The following RIMKLB variants were observed in gnomAD, a reference collection of about 807,000 sequenced individuals.
RIMKLB encodes the protein ribosomal modification protein rimK like family member B.
A neutral mutation model predicts 32.0 loss-of-function variants in RIMKLB; 7 were observed. The ratio of observed to expected loss-of-function variants is 0.22; its 90% CI spans 0.12 to 0.41. The LOEUF is 0.41. Ranked by LOEUF, RIMKLB falls within the 10% of genes least tolerant of loss-of-function variation. The pLI is 1.00. For missense variants in RIMKLB, 289 were observed against 498.7 expected, an observed-to-expected ratio of 0.58 and a Z score of 4.00; for synonymous variants, 172 against 185.1, an observed-to-expected ratio of 0.93 and a Z score of 0.57.
chr12:8,782,020 T>C (rs1278276391), downstream of RIMKLB, among the ~76,000 whole-genome samples: 8 of 150,674 alleles, frequency 5.3e-5, no homozygotes, highest in South Asian at 2.1e-4. Flanking sequence ...TTTTTTTTTT[T>C]CCTTTTTTCC....
chr12:8,692,650 C>T (rs1007373256), upstream of RIMKLB, among the ~76,000 whole-genome samples: 32 of 152,184 alleles, frequency 2.1e-4, no homozygotes, highest in Non-Finnish European at 8.8e-5. Context: ...ATGGTCTTTC[C>T]TCCCTTTGTG....
intron 2 of RIMKLB, among the ~76,000 whole-genome samples, chr12:8,724,903 T>G (rs1199011055): frequency 2.0e-5 from 3 of 152,214 alleles, no homozygotes; most frequent in Non-Finnish European, 4.4e-5. Flanking sequence ...ATTCTCCTGC[T>G]TAGGGTTAGT....
At chr12:8,766,537 T>G (rs1949982130) in intron 5 of RIMKLB, among the ~76,000 whole-genome samples, 1 of 152,232 alleles carries the variant, frequency 6.6e-6, no homozygotes, top group African/African-American at 2.4e-5. Context: ...TTTTTGATTC[T>G]GTAAGTACTT....
At chr12:8,713,435 T>C (rs1257890626) in intron 1 of RIMKLB, among the ~76,000 whole-genome samples, 2 of 152,194 alleles carry the variant, frequency 1.3e-5, no homozygotes, top group Non-Finnish European at 2.9e-5. Flanking sequence ...TGGCATTTCA[T>C]TTCATATCAA....
chr12:8,744,949 A>T (rs1947937357), intron 2 of RIMKLB, among the ~76,000 whole-genome samples: 1 of 151,890 alleles, frequency 6.6e-6, no homozygotes, highest in South Asian at 2.1e-4. Flanking sequence ...GCACCCATCA[A>T]CTGGTCATTT....
chr12:8,777,776 T>G, downstream of RIMKLB: 2 of 984,336 alleles, frequency 2.0e-6, no homozygotes, highest in Non-Finnish European at 2.6e-6. Flanking sequence ...CGGTTTGGAT[T>G]CAGGCACAGC....
At chr12:8,744,359 T>C (rs920552185) in intron 2 of RIMKLB, among the ~76,000 whole-genome samples, 3 of 152,038 alleles carry the variant, frequency 2.0e-5, no homozygotes, top group African/African-American at 7.3e-5. Flanking sequence ...GGTAGAGCAC[T>C]CCCATTTTCC....
downstream of RIMKLB, chr12:8,777,245 T>TGTTA: frequency 1.1e-6 from 1 of 931,256 alleles, no homozygotes; most frequent in Non-Finnish European, 1.3e-6. Context: ...TTTTTTCTTC[T>TGTTA]TAAAAAAACA....
In RIMKLB at chr12:8,775,166, C is replaced by T. The variant is rs767251859; in HGVS notation, c.*1382C>T. The T allele has an allele frequency of 2.2e-4, 212 of 985,484 alleles. No individual in the cohort carries two copies. The highest frequency in any genetic ancestry group is 2.4e-4 in the Non-Finnish European group (198 of 829,840). 61.0% of individuals were successfully genotyped at this position (985,484 alleles called of 1,614,324 possible). A position where few individuals can be genotyped will look rare whatever the true frequency, so the allele number is the denominator to read the frequency against. On this transcript the variant is annotated 3_prime_UTR_variant, in exon 6 of 6. Coordinates refer to ENST00000535829, the MANE Select transcript of RIMKLB (RefSeq NM_001297776.2). ...AGTTTATTCAAGGCTACATGCTTTT[C>T]TTTAATGCTTCTGGCTATGCATTTT...
chr12:8,710,527 C>G (rs1944289267), intron 1 of RIMKLB, among the ~76,000 whole-genome samples: 2 of 151,954 alleles, frequency 1.3e-5, no homozygotes, highest in Non-Finnish European at 2.9e-5. Flanking sequence ...AGGCTGGTCT[C>G]AAACTCCTGA....
intron 2 of RIMKLB, among the ~76,000 whole-genome samples, chr12:8,729,959 C>T (rs1351460833): frequency 6.6e-6 from 1 of 152,086 alleles, no homozygotes; most frequent in Non-Finnish European, 1.5e-5. Context: ...TTTCATGGAC[C>T]TATTGGCTAT....
rs115980349 is a variant in RIMKLB, at chr12:8,738,368, C to G, written c.176-11494C>G. ...AATTAATGGTTTTTGAATATACATC[C>G]TAAGTGTTTCTGCTGGAGAACGCAA... On this transcript the variant is annotated intron_variant, in intron 2 of 5. Coordinates refer to ENST00000535829, the MANE Select transcript of RIMKLB (RefSeq NM_001297776.2). 9.0e-3 allele frequency among the ~76,000 whole-genome samples: 1,375 copies of G among 152,232 alleles called. 19 individuals are homozygous for G. Among genetic ancestry groups the G allele is most frequent in the African/African-American group, 0.03 (1,244 of 41,548 alleles).
chr12:8,709,849 T>TA (rs536937369), intron 1 of RIMKLB, among the ~76,000 whole-genome samples: 1 of 152,234 alleles, frequency 6.6e-6, no homozygotes, highest in Non-Finnish European at 1.5e-5. Context: ...TTATCATAGA[T>TA]ATGTATGTTT....
At chr12:8,777,670 A>T (rs1375021902), downstream of RIMKLB, 3 of 1,289,144 alleles carry the variant, frequency 2.3e-6, no homozygotes, top group Non-Finnish European at 3.0e-6. Flanking sequence ...CCCCTTCCTG[A>T]TGATGAGTGA....
At chr12:8,682,848 G>A (rs1942456271) in intron 1 of RIMKLB, among the ~76,000 whole-genome samples, 1 of 149,708 alleles carries the variant, frequency 6.7e-6, no homozygotes. Flanking sequence ...TGTTGGTCAG[G>A]CTGGTGTCTT....
At position 8,776,113 on chromosome 12, in the gene RIMKLB, AGTTCAT is replaced by A. The variant is rs1405255848; in HGVS notation, c.*2333_*2338del. On this transcript the variant is annotated 3_prime_UTR_variant, in exon 6 of 6. Transcript: ENST00000535829. Reference sequence around the variant, plus strand: ...GAATAGTTACATATCACAAGTATGTAGTTCATGTTTGTGTTGGTGGGGTAAGGCATC... The same window carrying A: ...GAATAGTTACATATCACAAGTATGTAGTTTGTGTTGGTGGGGTAAGGCATC... The A allele has an allele frequency of 3.0e-6, 3 of 985,098 alleles. No homozygotes were observed. The African/African-American group carries it at 5.2e-5, about 17-fold the overall frequency. 61.0% of individuals were successfully genotyped at this position (985,098 alleles called of 1,614,324 possible).
intron 5 of RIMKLB, among the ~76,000 whole-genome samples, chr12:8,761,251 G>A (rs1170969505): frequency 7.0e-6 from 1 of 143,750 alleles, no homozygotes; most frequent in Non-Finnish European, 1.5e-5. Context: ...TGGTTGAGAC[G>A]AGAGGGTGAG....
intron 2 of RIMKLB, among the ~76,000 whole-genome samples, chr12:8,733,744 G>A (rs1257617633): frequency 1.3e-5 from 2 of 152,108 alleles, no homozygotes; most frequent in Non-Finnish European, 2.9e-5. Flanking sequence ...TTAGCCGGAC[G>A]TGATGGTGCA....
At chr12:8,733,738 C>G (rs1946750524) in intron 2 of RIMKLB, among the ~76,000 whole-genome samples, 2 of 152,074 alleles carry the variant, frequency 1.3e-5, no homozygotes, top group Non-Finnish European at 2.9e-5. Context: ...AAGAAATTAG[C>G]CGGACGTGAT....
Sources: allele counts gnomAD v4.1 joint callset (sites outside exome capture counted in the v4.1 genomes callset), GRCh38; gene constraint gnomAD v4.1.1; transcripts MANE v1.5; gene names NCBI Gene and HGNC (gene_info 2026-07-23, HGNC 2026-07-21).